The following CNTNAP4 variants were observed in gnomAD, a reference collection of about 807,000 sequenced individuals.
CNTNAP4 encodes the protein contactin associated protein family member 4.
CNTNAP4 carries 98 observed loss-of-function variants against 148.4 expected under a neutral mutation model. The observed-to-expected ratio is 0.66, with a 90% confidence interval of 0.56 to 0.78. The LOEUF is 0.78. Among genes scored for constraint, CNTNAP4 ranks in the 30% least tolerant of loss-of-function variants. The pLI is 0.00. For missense variants in CNTNAP4, 1,935 were observed against 1,565.6 expected, an observed-to-expected ratio of 1.24 and a Z score of -3.98; for synonymous variants, 730 against 565.1, an observed-to-expected ratio of 1.29 and a Z score of -4.14.
At chr16:76,319,106 A>G (rs1480680704) in intron 2 of CNTNAP4, among the ~76,000 whole-genome samples, 2 of 152,066 alleles carry the variant, frequency 1.3e-5, no homozygotes, top group Non-Finnish European at 2.9e-5. Flanking sequence ...AAAGGCTACC[A>G]TTGCTACTAA....
chr16:76,460,690 T>C (rs2080912523), intron 8 of CNTNAP4, among the ~76,000 whole-genome samples: 1 of 135,176 alleles, frequency 7.4e-6, no homozygotes, highest in African/African-American at 2.7e-5. Flanking sequence ...GAGGCAGAGC[T>C]TGCAGTGAGC....
chr16:76,326,890 G>A (rs1308446925), intron 2 of CNTNAP4, among the ~76,000 whole-genome samples: 1 of 151,776 alleles, frequency 6.6e-6, no homozygotes, highest in African/African-American at 2.4e-5. Flanking sequence ...CATGGCACAT[G>A]TATACATATG....
At chr16:76,481,079 A>G (rs1179551376) in intron 12 of CNTNAP4, among the ~76,000 whole-genome samples, 2 of 152,228 alleles carry the variant, frequency 1.3e-5, no homozygotes, top group African/African-American at 4.8e-5. Flanking sequence ...GAGAATTTAT[A>G]AACAGACTCA....
chr16:76,544,221 T>C (rs534791247), intron 21 of CNTNAP4, among the ~76,000 whole-genome samples: 37 of 152,264 alleles, frequency 2.4e-4, no homozygotes, highest in Non-Finnish European at 4.9e-4. Context: ...TTTTTTTTTT[T>C]TGGAGTTGTA....
intron 7 of CNTNAP4, among the ~76,000 whole-genome samples, chr16:76,450,147 T>A (rs1293710975): frequency 6.6e-6 from 1 of 151,988 alleles, no homozygotes; most frequent in Admixed American, 6.6e-5. Context: ...TCTTTTAATC[T>A]GTATTTTTTT....
At position 76,535,722 on chromosome 16, in the gene CNTNAP4, G is replaced by C; in HGVS notation, c.2933G>C (p.Arg978Thr). ...CGCAATGGAGGGAAATGCAGAGAAA[G>C]ACCCATTGGGTTCTTTTGTGACTGC... The part of the protein sequence containing the change: ...LCRNGGKCRE[R>T]PIGFFCDCTF... Residue 978 changes from arginine (R) to threonine (T), a missense_variant, in exon 18 of 24, where the codon AGA (arginine) becomes ACA (threonine). Physicochemically the swap from Arg to Thr is moderately conservative, Grantham distance 71. Coordinates refer to ENST00000611870, the MANE Select transcript of CNTNAP4 (RefSeq NM_033401.5). 2.5e-6 allele frequency: 4 copies of C among 1,613,974 alleles called. No homozygotes were observed.
At chr16:76,499,668 A>G (rs1426239344) in intron 15 of CNTNAP4, among the ~76,000 whole-genome samples, 1 of 150,350 alleles carries the variant, frequency 6.7e-6, no homozygotes, top group Non-Finnish European at 1.5e-5. Flanking sequence ...AAACATGTGA[A>G]CAAAGGTCTC....
At chr16:76,449,040 CT>C in intron 6 of CNTNAP4, 89 bp downstream of exon 6, 1 of 1,218,806 alleles carries the variant, frequency 8.2e-7, no homozygotes, top group Non-Finnish European at 1.2e-6. Context: ...AAGAGCCCAC[CT>C]TTTCAGTAAA....
At chr16:76,413,480 G>A (rs116176867) in intron 3 of CNTNAP4, among the ~76,000 whole-genome samples, 2,699 of 150,984 alleles carry the variant, frequency 0.018, 64 homozygotes, top group African/African-American at 0.062. Context: ...TGGATTCTCT[G>A]ATCTGTTCCA....
intron 3 of CNTNAP4, among the ~76,000 whole-genome samples, chr16:76,370,342 CA>C (rs1204218580): frequency 6.6e-6 from 1 of 152,016 alleles, no homozygotes; most frequent in Non-Finnish European, 1.5e-5. Flanking sequence ...GCCAGTGCCC[CA>C]TCAGAGAAAC....
In CNTNAP4 at chr16:76,560,404, G is replaced by A. The variant is rs1019057917; in HGVS notation, c.*1721G>A. Among the ~76,000 whole-genome samples the A allele has an allele frequency of 6.6e-6, 1 of 152,288 alleles. No individual in the cohort carries two copies. Among genetic ancestry groups the A allele is most frequent in the African/African-American group, 2.4e-5 (1 of 41,554 alleles). ...AACATAGTAGTTTACGAAGGACTAA[G>A]GACCTATGTTGGTAGATGGTATACT... On this transcript the variant is annotated 3_prime_UTR_variant, in exon 24 of 24. Transcript: ENST00000611870.
chr16:76,278,483 T>G (rs1958567291), intron 1 of CNTNAP4, among the ~76,000 whole-genome samples: 2 of 152,212 alleles, frequency 1.3e-5, no homozygotes, highest in Non-Finnish European at 2.9e-5. Context: ...TAGGGAAGAT[T>G]GAAATCTTAT....
intron 19 of CNTNAP4, among the ~76,000 whole-genome samples, chr16:76,538,850 A>T (rs959954419): frequency 6.6e-6 from 1 of 152,018 alleles, no homozygotes; most frequent in Non-Finnish European, 1.5e-5. Flanking sequence ...TGTTAAGGGA[A>T]TGTAGATTAG....
chr16:76,543,589 A>T (rs1418271903), intron 21 of CNTNAP4, among the ~76,000 whole-genome samples: 1 of 152,214 alleles, frequency 6.6e-6, no homozygotes, highest in East Asian at 1.9e-4. Flanking sequence ...AAGAGAGGGA[A>T]AATTAGACAG....
chr16:76,539,035 A>G (rs2084338006), intron 19 of CNTNAP4, among the ~76,000 whole-genome samples: 1 of 151,940 alleles, frequency 6.6e-6, no homozygotes, highest in African/African-American at 2.4e-5. Flanking sequence ...ACTGAACACC[A>G]AAATAAAAAT....
chr16:76,355,954 A>C (rs923336755), intron 3 of CNTNAP4, among the ~76,000 whole-genome samples: 1 of 151,626 alleles, frequency 6.6e-6, no homozygotes, highest in Non-Finnish European at 1.5e-5. Context: ...GGCTCACTGC[A>C]ACCTCTGCCT....
intron 8 of CNTNAP4, among the ~76,000 whole-genome samples, chr16:76,456,014 A>G (rs1233712882): frequency 6.6e-6 from 1 of 152,220 alleles, no homozygotes; most frequent in Non-Finnish European, 1.5e-5. Flanking sequence ...AGCAACAGAA[A>G]GGGAAAGAGA....
intron 14 of CNTNAP4, among the ~76,000 whole-genome samples, 184 bp from the exon 15 acceptor site, chr16:76,498,383 C>T (rs570684411): frequency 1.3e-5 from 2 of 152,094 alleles, no homozygotes; most frequent in Admixed American, 6.6e-5. Context: ...CAGAGTGAGA[C>T]CCTGTCTCAA....
chr16:76,337,944 C>T (rs1476701772), intron 2 of CNTNAP4, among the ~76,000 whole-genome samples: 6 of 152,158 alleles, frequency 3.9e-5, no homozygotes, highest in Non-Finnish European at 5.9e-5. Flanking sequence ...CTGAAGATCG[C>T]TGTTGTTCTA....
Sources: allele counts gnomAD v4.1 joint callset (sites outside exome capture counted in the v4.1 genomes callset), GRCh38; gene constraint gnomAD v4.1.1; transcripts MANE v1.5; gene names NCBI Gene and HGNC (gene_info 2026-07-23, HGNC 2026-07-21).